SGCZ: variants seen among roughly 807,000 people sequenced by gnomAD.
SGCZ encodes sarcoglycan zeta, also known as zeta-sarcoglycan.
SGCZ carries 40 observed loss-of-function variants against 41.3 expected under a neutral mutation model. The observed-to-expected ratio is 0.97, with a 90% CI of 0.75 to 1.26. The LOEUF is 1.26. Ranked by LOEUF, SGCZ falls within the 50% of genes most tolerant of loss-of-function variation. The pLI is 0.00. For missense variants in SGCZ, 552 were observed against 369.8 expected, an observed-to-expected ratio of 1.49 and a Z score of -4.04; for synonymous variants, 206 against 137.5, an observed-to-expected ratio of 1.50 and a Z score of -3.49.
intron 5 of SGCZ, among the ~76,000 whole-genome samples, chr8:14,133,514 C>A (rs1005407853): frequency 8.5e-5 from 13 of 152,160 alleles, no homozygotes; most frequent in African/African-American, 3.1e-4. Context: ...AAGGTCTTCT[C>A]TGCTTCCTCT....
chr8:14,618,265 A>C (rs767352607), intron 1 of SGCZ, among the ~76,000 whole-genome samples: 2 of 152,220 alleles, frequency 1.3e-5, no homozygotes, highest in Admixed American at 6.5e-5. Flanking sequence ...CTTTGGAGGA[A>C]AGAAATAGAG....
chr8:15,174,917 C>T lies in SGCZ; in HGVS notation c.39+62668G>A, dbSNP rs556039695. 5.3e-5 allele frequency among the ~76,000 whole-genome samples: 8 copies of T among 150,210 alleles called. No homozygotes were observed. The East Asian group carries it at 1.5e-3, about 29-fold the overall frequency. On this transcript the variant is annotated intron_variant, in intron 1 of 7. Transcript: ENST00000382080. ...TTGGGAGGAGTGTAAATTAATTCAA[C>T]TGTCATGGAAAACAGTGTGGCGATT...
At chr8:14,905,990 A>G (rs1357318594) in intron 1 of SGCZ, among the ~76,000 whole-genome samples, 1 of 152,068 alleles carries the variant, frequency 6.6e-6, no homozygotes, top group Non-Finnish European at 1.5e-5. Context: ...TGGTTGAAAT[A>G]TTTTTTAAAA....
chr8:14,298,379 C>T (rs917804695), intron 3 of SGCZ, among the ~76,000 whole-genome samples: 3 of 151,750 alleles, frequency 2.0e-5, no homozygotes, highest in Admixed American at 1.3e-4. Flanking sequence ...GAATAAAATA[C>T]ATAATACTAA....
At chr8:14,469,919 C>T (rs1453380964) in intron 2 of SGCZ, among the ~76,000 whole-genome samples, 1 of 152,058 alleles carries the variant, frequency 6.6e-6, no homozygotes, top group Non-Finnish European at 1.5e-5. Flanking sequence ...TTGTAATATC[C>T]TTTATAATAA....
intron 1 of SGCZ, among the ~76,000 whole-genome samples, chr8:15,164,219 G>C (rs1212915523): frequency 6.6e-6 from 1 of 152,236 alleles, no homozygotes; most frequent in Non-Finnish European, 1.5e-5. Flanking sequence ...GTGGGGGCTT[G>C]AGAAGTGGTG....
chr8:14,911,345 G>A (rs776444173), intron 1 of SGCZ, among the ~76,000 whole-genome samples: 11 of 151,934 alleles, frequency 7.2e-5, no homozygotes, highest in African/African-American at 1.9e-4. Flanking sequence ...CTTGGAATAC[G>A]CAGACACCAA....
chr8:15,029,211 C>G (rs183719999), intron 1 of SGCZ, among the ~76,000 whole-genome samples: 1 of 151,898 alleles, frequency 6.6e-6, no homozygotes, highest in African/African-American at 2.4e-5. Flanking sequence ...TGCTTTGGTA[C>G]CCTACTTTAA....
intron 1 of SGCZ, among the ~76,000 whole-genome samples, chr8:14,990,075 G>A (rs755032973): frequency 2.0e-5 from 3 of 152,152 alleles, no homozygotes; most frequent in Non-Finnish European, 2.9e-5. Flanking sequence ...CCCTCCCAGT[G>A]CTAACCCAAA....
chr8:14,287,098 A>C (rs982114951), intron 3 of SGCZ, among the ~76,000 whole-genome samples: 1 of 151,576 alleles, frequency 6.6e-6, no homozygotes, highest in African/African-American at 2.4e-5. Flanking sequence ...AGTAATTGTC[A>C]CATAAGTATA....
chr8:14,379,803 C>T (rs1394202383), intron 2 of SGCZ, among the ~76,000 whole-genome samples: 1 of 152,030 alleles, frequency 6.6e-6, no homozygotes, highest in East Asian at 1.9e-4. Context: ...TCGATCTCAG[C>T]ACACTGCAGC....
intron 5 of SGCZ, among the ~76,000 whole-genome samples, chr8:14,124,540 A>T (rs2117042807): frequency 6.6e-6 from 1 of 152,334 alleles, no homozygotes; most frequent in African/African-American, 2.4e-5. Context: ...GACATTTAAA[A>T]TTGCAGATGA....
At chr8:14,681,215 T>C (rs1377099541) in intron 1 of SGCZ, among the ~76,000 whole-genome samples, 3 of 152,096 alleles carry the variant, frequency 2.0e-5, no homozygotes, top group African/African-American at 4.8e-5. Context: ...ATTATGAGTC[T>C]TGCAATCAGC....
chr8:14,231,620 AT>A (rs1364645408), intron 4 of SGCZ, among the ~76,000 whole-genome samples: 1 of 152,024 alleles, frequency 6.6e-6, no homozygotes, highest in African/African-American at 2.4e-5. Flanking sequence ...CCCATCCACA[AT>A]TATTTTACAT....
At chr8:14,213,713 G>T (rs1216272496) in intron 4 of SGCZ, among the ~76,000 whole-genome samples, 3 of 152,106 alleles carry the variant, frequency 2.0e-5, no homozygotes, top group Non-Finnish European at 4.4e-5. Flanking sequence ...TATCAAGTTT[G>T]ATATAATGCT....
At chr8:14,797,453 C>T (rs2264856) in intron 1 of SGCZ, among the ~76,000 whole-genome samples, 81,925 of 152,004 alleles carry the variant, frequency 0.54, 22,606 homozygotes, top group East Asian at 0.74. Context: ...CTGTGTAACA[C>T]TGAACTTGAG....
At chr8:15,097,886 GTGTATA>G (rs1411620368) in intron 1 of SGCZ, among the ~76,000 whole-genome samples, 2 of 19,016 alleles carry the variant, frequency 1.1e-4, no homozygotes, top group South Asian at 2.9e-3. Context: ...ATATATACGT[GTGTATA>G]TATATATATA....
chr8:14,442,323 T>C (rs1800294423), intron 2 of SGCZ, among the ~76,000 whole-genome samples: 1 of 152,188 alleles, frequency 6.6e-6, no homozygotes. Flanking sequence ...GGAGTTCCCT[T>C]GCACACACTC....
intron 1 of SGCZ, among the ~76,000 whole-genome samples, chr8:14,921,954 A>C (rs1028293181): frequency 1.3e-5 from 2 of 152,156 alleles, no homozygotes; most frequent in African/African-American, 4.8e-5. Context: ...GCTTTATATA[A>C]TGCTACAGAA....
Sources: allele counts gnomAD v4.1 joint callset (sites outside exome capture counted in the v4.1 genomes callset), GRCh38; gene constraint gnomAD v4.1.1; transcripts MANE v1.5; gene names NCBI Gene and HGNC (gene_info 2026-07-23, HGNC 2026-07-21).